The following HPSE2 variants were observed in gnomAD, a reference collection of about 807,000 sequenced individuals.
HPSE2 encodes inactive heparanase-2.
In HPSE2, 38 loss-of-function variants were observed where a neutral mutation model predicts 60.5. The observed-to-expected ratio is 0.63, with a 90% CI of 0.48 to 0.82. The LOEUF is 0.82. HPSE2 is among the 40% of genes least tolerant of loss of function. HPSE2 has a pLI of 0.00. For synonymous variants in HPSE2, 295 were observed against 293.2 expected, an observed-to-expected ratio of 1.01 and a Z score of -0.06; for missense variants, 713 against 740.4, an observed-to-expected ratio of 0.96 and a Z score of 0.43.
chr10:99,271,550 T>C, the HPSE2 span, among the ~76,000 whole-genome samples: 2 of 152,108 alleles, frequency 1.3e-5, no homozygotes, highest in African/African-American at 2.4e-5. Flanking sequence ...GAATCAATAT[T>C]GTGAAAATCA....
intron 3 of HPSE2, among the ~76,000 whole-genome samples, chr10:98,860,062 T>C (rs1952417628): frequency 6.6e-6 from 1 of 152,200 alleles, no homozygotes; most frequent in Non-Finnish European, 1.5e-5. Flanking sequence ...CATAGTGTCT[T>C]AGGGTTTGGT....
At chr10:98,768,865 A>T (rs1306014604) in intron 3 of HPSE2, among the ~76,000 whole-genome samples, 1 of 152,154 alleles carries the variant, frequency 6.6e-6, no homozygotes, top group Non-Finnish European at 1.5e-5. Flanking sequence ...AGCCTGGCCA[A>T]CATCGTGAAA....
chr10:98,725,484 T>C (rs1248419138), intron 4 of HPSE2, among the ~76,000 whole-genome samples: 2 of 152,092 alleles, frequency 1.3e-5, no homozygotes, highest in Non-Finnish European at 2.9e-5. Flanking sequence ...ATACAAAAAT[T>C]AATTCAAGAT....
Position 98,692,771 on chromosome 10 carries a change from AC to A in HPSE2, c.1004+1128del, listed in dbSNP as rs1418777208. 3.8e-4 allele frequency among the ~76,000 whole-genome samples: 58 copies of A among 152,074 alleles called. 1 individual carries two copies. In the East Asian group the frequency reaches 8.7e-3, roughly 23 times the overall value. On this transcript the variant is annotated intron_variant, in intron 6 of 11. Coordinates refer to ENST00000370552, the MANE Select transcript of HPSE2 (RefSeq NM_021828.5). ...GCGACAGAGCGAGACTCTGTCTCAA[AC>A]AAACAAACAAACAAACAAACTGAAG... is the stretch of plus-strand genomic sequence containing the variant.
intron 3 of HPSE2, among the ~76,000 whole-genome samples, chr10:98,778,221 A>T (rs1183564647): frequency 6.7e-6 from 1 of 148,172 alleles, no homozygotes; most frequent in Non-Finnish European, 1.5e-5. Context: ...CATGAGGACC[A>T]ACAAGAAATC....
chr10:99,130,461 G>A (rs1845337826), intron 3 of HPSE2, among the ~76,000 whole-genome samples: 1 of 152,144 alleles, frequency 6.6e-6, no homozygotes, highest in Non-Finnish European at 1.5e-5. Context: ...CAGAGATGCA[G>A]AGATGGTTTA....
chr10:98,991,540 C>T (rs73337510), intron 3 of HPSE2, among the ~76,000 whole-genome samples: 1 of 152,206 alleles, frequency 6.6e-6, no homozygotes, highest in African/African-American at 2.4e-5. Flanking sequence ...AGATGGCAGA[C>T]TTTATAGCCT....
intron 3 of HPSE2, among the ~76,000 whole-genome samples, chr10:99,039,094 T>C (rs116864295): frequency 6.6e-6 from 1 of 152,178 alleles, no homozygotes. Context: ...TATAACTTTA[T>C]ACTCTGTGCT....
At chr10:99,198,170 C>G (rs1027204768) in intron 2 of HPSE2, among the ~76,000 whole-genome samples, 1 of 152,016 alleles carries the variant, frequency 6.6e-6, no homozygotes, top group East Asian at 1.9e-4. Flanking sequence ...ACAGCAAAGG[C>G]CCAGTTTCAA....
At chr10:99,011,754 C>CAA (rs5787319) in intron 3 of HPSE2, among the ~76,000 whole-genome samples, 48,988 of 92,892 alleles carry the variant, frequency 0.53, 14,868 homozygotes, top group Non-Finnish European at 0.61. Flanking sequence ...GACTCCATCT[C>CAA]AAAAAAAAAA....
chr10:99,066,862 C>T (rs1416676656), intron 3 of HPSE2, among the ~76,000 whole-genome samples: 1 of 152,120 alleles, frequency 6.6e-6, no homozygotes, highest in Admixed American at 6.5e-5. Context: ...CTCATTTCAG[C>T]ATTAACTTAA....
In HPSE2 at chr10:98,567,381, TG is replaced by T. The variant is rs368735491; in HGVS notation, c.1320+47522del. On this transcript the variant is annotated intron_variant, in intron 9 of 11. Transcript: ENST00000370552. The stretch of plus-strand genomic sequence containing the variant: ...TGACAGAGAATGCTTGAGTGACATA[TG>T]AGGTGAGAGATTTGGGGTGTAATAA... 1.8e-4 allele frequency among the ~76,000 whole-genome samples: 27 copies of T among 152,278 alleles called. 1 individual carries two copies. The East Asian group carries it at 2.5e-3, about 14-fold the overall frequency.
chr10:98,943,522 C>A (rs960327595), intron 3 of HPSE2, among the ~76,000 whole-genome samples: 1 of 152,082 alleles, frequency 6.6e-6, no homozygotes, highest in Non-Finnish European at 1.5e-5. Flanking sequence ...GTACCCCCCA[C>A]ATCATACTAG....
chr10:98,580,191 T>TA (rs1219324959), intron 9 of HPSE2, among the ~76,000 whole-genome samples: 1 of 152,212 alleles, frequency 6.6e-6, no homozygotes, highest in African/African-American at 2.4e-5. Context: ...TCTTGGTTTT[T>TA]AAAATTTTTT....
chr10:98,814,826 C>T (rs1194556935), intron 3 of HPSE2, among the ~76,000 whole-genome samples: 1 of 152,180 alleles, frequency 6.6e-6, no homozygotes, highest in Non-Finnish European at 1.5e-5. Context: ...ATCTTTGTCC[C>T]TTACTCTTCA....
intron 7 of HPSE2, among the ~76,000 whole-genome samples, chr10:98,631,365 C>T (rs977217932): frequency 6.6e-6 from 1 of 152,168 alleles, no homozygotes; most frequent in African/African-American, 2.4e-5. Flanking sequence ...AAAAGTTTCA[C>T]AGAGCCCAAA....
At chr10:98,800,831 T>C (rs1950888630) in intron 3 of HPSE2, among the ~76,000 whole-genome samples, 1 of 152,156 alleles carries the variant, frequency 6.6e-6, no homozygotes, top group Non-Finnish European at 1.5e-5. Context: ...ACTCAAACTA[T>C]TCTGAAAAAT....
the HPSE2 span, among the ~76,000 whole-genome samples, chr10:99,301,131 G>C: frequency 6.6e-6 from 1 of 152,134 alleles, no homozygotes; most frequent in Admixed American, 6.6e-5. Context: ...TATATTCCTA[G>C]TATATTTTTG....
intron 3 of HPSE2, among the ~76,000 whole-genome samples, chr10:98,898,972 C>T (rs1953579652): frequency 6.6e-6 from 1 of 152,110 alleles, no homozygotes; most frequent in Non-Finnish European, 1.5e-5. Flanking sequence ...TAACTCTAAA[C>T]ATAAGAAAAA....
Sources: allele counts gnomAD v4.1 joint callset (sites outside exome capture counted in the v4.1 genomes callset), GRCh38; gene constraint gnomAD v4.1.1; transcripts MANE v1.5; gene names NCBI Gene and HGNC (gene_info 2026-07-23, HGNC 2026-07-21).